The following ZNF425 variants were observed in gnomAD, a reference collection of about 807,000 sequenced individuals.
The protein encoded by ZNF425 is zinc finger protein 425.
In ZNF425, 21 loss-of-function variants were observed where a neutral mutation model predicts 17.0. That is an observed-to-expected ratio of 1.23 (90% confidence interval 0.88 to 1.78). ZNF425 has a LOEUF of 1.78. Ranked by LOEUF, ZNF425 falls within the 40% of genes most tolerant of loss-of-function variation. The pLI, the probability that ZNF425 is intolerant of heterozygous loss-of-function variation, is 0.00. For missense variants in ZNF425, 868 were observed against 967.3 expected (o/e 0.90, Z 1.36); for synonymous variants, 433 against 384.1 (o/e 1.13, Z -1.49).
intron 3 of ZNF425, among the ~76,000 whole-genome samples, chr7:149,110,567 CAAA>C (rs776168505): frequency 1.2e-5 from 1 of 80,822 alleles, no homozygotes. Context: ...CTCCATCTCA[CAAA>C]AAAAAAAAAA....
chr7:149,105,157 C>T lies in ZNF425; in HGVS notation c.714G>A (p.Arg238=). 1 of 1,614,198 alleles carries T rather than the reference C, an allele frequency of 6.2e-7. No individual in the cohort carries two copies. The highest frequency in any genetic ancestry group is 8.5e-7 in the Non-Finnish European group (1 of 1,180,032). Residue 238 remains arginine (R), a synonymous_variant, in exon 4 of 4, where the codon AGG becomes AGA. Coordinates refer to ENST00000378061, the MANE Select transcript of ZNF425 (RefSeq NM_001001661.3). The part of the protein sequence containing the change: ...RGKSELRRTQ[R]LLCQKKRFQC... ...GGAACCGCTTCTTCTGACACAGGAG[C>T]CTCTGCGTCCGCCTGAGTTCGGACT...
chr7:149,124,997 T>C (rs77860683), intron 1 of ZNF425, among the ~76,000 whole-genome samples: 100 of 152,284 alleles, frequency 6.6e-4, no homozygotes, highest in African/African-American at 2.1e-3. Context: ...TTTCTATAAA[T>C]TCAATGTACA....
At chr7:149,109,279 A>G (rs985136118) in intron 3 of ZNF425, among the ~76,000 whole-genome samples, 13 of 151,856 alleles carry the variant, frequency 8.6e-5, no homozygotes, top group Admixed American at 1.3e-4. Context: ...GGGTTTCACC[A>G]TGTTAGCCAG....
rs760631419 is a variant in ZNF425 at position 149,112,231 on chromosome 7, G to C, written c.210C>G (p.Ser70Arg). The stretch of plus-strand genomic sequence containing the variant: ...TTGTTTTATCTAAGCATCCCTGTTC[G>C]CTGATTAATAGCATTCTCCCTTGTT... ...WMEQGRMLLI[S>R]EQGCLDKTRR... The change falls in exon 3 of 4, where the codon AGC becomes AGG. Residue 70 changes from serine to arginine, a missense_variant. By Grantham distance (110) the Ser-to-Arg change is moderately radical. Around this residue, in one of 5 missense-constraint regions of ZNF425, gnomAD observed 179 missense variants for 216.3 expected, o/e 0.83. Coordinates refer to ENST00000378061, the MANE Select transcript of ZNF425 (RefSeq NM_001001661.3). 1 of 1,614,026 alleles carries C rather than the reference G, an allele frequency of 6.2e-7. No homozygotes were observed. The highest frequency in any genetic ancestry group is 1.1e-5 in the South Asian group (1 of 91,082).
rs35291501 is a variant in ZNF425 at position 149,112,973 on chromosome 7, CTTTT to C, written c.146-682_146-679del. 6.2e-4 allele frequency among the ~76,000 whole-genome samples: 77 copies of C among 123,954 alleles called. No individual in the cohort carries two copies. In the East Asian group the frequency reaches 0.015, roughly 24 times the overall value. 81.3% of individuals were successfully genotyped at this position (123,954 alleles called of 152,430 possible). A position where few individuals can be genotyped will look rare whatever the true frequency, so the allele number is the denominator to read the frequency against. On this transcript the variant is annotated intron_variant, in intron 2 of 3. Coordinates refer to ENST00000378061, the MANE Select transcript of ZNF425 (RefSeq NM_001001661.3). ...AGCCACCGCGCCCAGCCCCGTGACC[CTTTT>C]TTTTTTTTTTTTTTTTTTAGACAGA...
intron 3 of ZNF425, among the ~76,000 whole-genome samples, chr7:149,109,800 G>T (rs896179062): frequency 2.2e-4 from 34 of 152,032 alleles, no homozygotes; most frequent in African/African-American, 7.7e-4. Flanking sequence ...GGAGGCACTC[G>T]ATATTGGTTA....
intron 1 of ZNF425, chr7:149,125,846 G>A: frequency 6.8e-6 from 3 of 441,400 alleles, no homozygotes; most frequent in Non-Finnish European, 1.2e-5. Flanking sequence ...CTCCCGAGAG[G>A]TCACCACACA....
In ZNF425 at chr7:149,104,343, G is replaced by A. The variant is rs1242976335; in HGVS notation, c.1528C>T (p.Gln510Ter). The A allele has an allele frequency of 9.3e-6, 15 of 1,613,052 alleles. No homozygotes were observed. The highest frequency in any genetic ancestry group is 1.1e-5 in the Non-Finnish European group (13 of 1,179,864). The change falls in exon 4 of 4, where the codon CAG (glutamine) becomes TAG (stop). Residue 510 changes from glutamine to a stop codon, truncating the protein, a stop_gained. Transcript: ENST00000378061. LOFTEE classifies it low-confidence loss of function (END_TRUNC). This position sits in a 1 kb window ranked among gnomAD's most constrained non-coding sequence, Gnocchi z 4.3. ...CGECKKTFSQ[Q>*]SRLTQHLKVH... is the part of the protein sequence containing the mutation. ...TTCAGGTGCTGCGTGAGCCGCGACTGCTGAGAAAAGGTCTTTTTGCACTCG... is the reference window on the plus strand; with the variant it reads ...TTCAGGTGCTGCGTGAGCCGCGACTACTGAGAAAAGGTCTTTTTGCACTCG...
In ZNF425 at chr7:149,112,286, A is replaced by G; in HGVS notation, c.155T>C (p.Phe52Ser). The change falls in exon 3 of 4, where the codon TTT becomes TCT. Residue 52 changes from phenylalanine (F) to serine (S), a missense_variant. Phe to Ser is a radical substitution (Grantham distance 155). Transcript: ENST00000378061. ...CCATGTGATCAAATCTGGCTTGGAA[A>G]AAGCATACCCTGCAAATAGAGTCCA... The part of the protein sequence containing the change: ...YETLDSLGYA[F>S]SKPDLITWME... The G allele has an allele frequency of 6.2e-7, 1 of 1,613,584 alleles. No homozygotes were observed. The highest frequency in any genetic ancestry group is 8.5e-7 in the Non-Finnish European group (1 of 1,179,780).
chr7:149,114,445 C>G (rs56262148), intron 2 of ZNF425, among the ~76,000 whole-genome samples: 31,503 of 143,280 alleles, frequency 0.22, 3,633 homozygotes, highest in African/African-American at 0.31. Flanking sequence ...CACAGTCTGG[C>G]TGGAGTGCAG....
chr7:149,122,134 T>C (rs1019905225), intron 1 of ZNF425, among the ~76,000 whole-genome samples: 2 of 150,044 alleles, frequency 1.3e-5, no homozygotes, highest in African/African-American at 4.9e-5. Flanking sequence ...GGTTTCACCA[T>C]GTTAGCCAGG....
intron 2 of ZNF425, among the ~76,000 whole-genome samples, chr7:149,116,619 T>C (rs1826270750): frequency 6.6e-6 from 1 of 152,094 alleles, no homozygotes. Context: ...GCAACCCAAG[T>C]AACCATTTTA....
At chr7:149,120,684 AATAAGCT>A (rs1233641640) in intron 1 of ZNF425, among the ~76,000 whole-genome samples, 2 of 152,214 alleles carry the variant, frequency 1.3e-5, no homozygotes, top group Non-Finnish European at 2.9e-5. Flanking sequence ...GCCTAGGAGA[AATAAGCT>A]ATACCATCTA....
intron 3 of ZNF425, among the ~76,000 whole-genome samples, chr7:149,111,619 A>AAAAAAAATAAT (rs1563146538): frequency 2.1e-5 from 3 of 145,670 alleles, no homozygotes; most frequent in African/African-American, 7.6e-5. Flanking sequence ...AAAAAAAAAA[A>AAAAAAAATAAT]AATTATATAT....
At chr7:149,107,337 A>ATTT (rs1163777625) in intron 3 of ZNF425, among the ~76,000 whole-genome samples, 6 of 128,376 alleles carry the variant, frequency 4.7e-5, no homozygotes, top group Non-Finnish European at 9.5e-5. Context: ...TTATTTATTT[A>ATTT]TTTATTTATT....
intron 3 of ZNF425, among the ~76,000 whole-genome samples, chr7:149,111,790 C>T (rs1477469021): frequency 1.3e-5 from 2 of 151,646 alleles, no homozygotes; most frequent in Non-Finnish European, 2.9e-5. Context: ...AACAATTCTC[C>T]TGCCTCAGCC....
chr7:149,103,891 G>T lies in ZNF425; in HGVS notation c.1980C>A (p.His660Gln), dbSNP rs371300334. The T allele has an allele frequency of 6.2e-7, 1 of 1,614,046 alleles. No individual in the cohort carries two copies. Among genetic ancestry groups the T allele is most frequent in the African/African-American group, 1.3e-5 (1 of 74,912 alleles). The change falls in exon 4 of 4, where the codon CAC (histidine) becomes CAA (glutamine). Residue 660 changes from histidine to glutamine, a missense_variant. Physicochemically the swap from His to Gln is conservative, Grantham distance 24. Around this residue, in one of 5 missense-constraint regions of ZNF425, gnomAD observed 437 missense variants for 444.2 expected, o/e 0.98. Transcript: ENST00000378061. ...QYRLTEHIRV[H>Q]SGEKPFQCPE... The stretch of plus-strand genomic sequence containing the variant: ...GACACTGGAAGGGCTTCTCCCCGCT[G>T]TGGACTCGAATGTGTTCTGTGAGCC...
Position 149,126,203 on chromosome 7 carries a change from G to T in ZNF425, c.11C>A (p.Pro4Gln). 1 of 1,612,700 alleles carries T rather than the reference G, an allele frequency of 6.2e-7. No individual in the cohort carries two copies. Among genetic ancestry groups the T allele is most frequent in the Non-Finnish European group, 8.5e-7 (1 of 1,179,566 alleles). Residue 4 changes from proline (P) to glutamine (Q), a missense_variant, in exon 1 of 4, where the codon CCG becomes CAG. Pro to Gln is a moderately conservative substitution (Grantham distance 76, BLOSUM62 -1). Transcript: ENST00000378061. MAEPASVTVTFDDV... is the reference protein window; with the variant it reads MAEQASVTVTFDDV... ...TCCACCGGCCCTTCTTACCGAAGCCGGCTCGGCCATGGCGGTTCCGCACGA... is the reference window on the plus strand; with the variant it reads ...TCCACCGGCCCTTCTTACCGAAGCCTGCTCGGCCATGGCGGTTCCGCACGA...
chr7:149,121,690 G>A (rs943748104), intron 1 of ZNF425, among the ~76,000 whole-genome samples: 6 of 151,894 alleles, frequency 4.0e-5, no homozygotes, highest in Non-Finnish European at 7.4e-5. Flanking sequence ...ATGCCTGGTC[G>A]CCATTTCACA....
Sources: gnomAD v4.1 joint callset for allele counts (sites outside exome capture counted in the v4.1 genomes callset) on GRCh38, gnomAD v4.1.1 for gene constraint, gnomAD v4.1.1 regional missense constraint, Gnocchi (gnomAD v3.1) non-coding constraint, MANE v1.5 for transcripts, NCBI Gene and HGNC (gene_info 2026-07-23, HGNC 2026-07-21) for gene names.